Variants in KCNK1 observed in about 807,000 individuals in gnomAD.
KCNK1 encodes the protein potassium two pore domain channel subfamily K member 1, also known as potassium channel subfamily K member 1.
A neutral mutation model predicts 22.2 loss-of-function variants in KCNK1; 10 were observed. That is an observed-to-expected ratio of 0.45 (90% CI 0.28 to 0.76). The LOEUF (loss-of-function observed/expected upper bound fraction) is 0.76. KCNK1 is among the 30% of genes least tolerant of loss of function. The pLI is 0.14. For synonymous variants in KCNK1, 200 were observed against 186.4 expected (o/e 1.07, Z -0.60); for missense variants, 378 against 421.0 (o/e 0.90, Z 0.89).
intron 1 of KCNK1, chr1:233,660,719 G>C (rs1468004285): frequency 6.6e-6 from 1 of 152,184 alleles, no homozygotes; most frequent in Non-Finnish European, 1.5e-5. Context: ...GCGCTCTCCT[G>C]TCCTCTCATT....
intron 1 of KCNK1, among the ~76,000 whole-genome samples, chr1:233,615,167 C>T (rs1463212254): frequency 6.6e-6 from 1 of 152,218 alleles, no homozygotes; most frequent in Admixed American, 6.5e-5. Context: ...CAGGCCGATC[C>T]GGTTTCTTTT....
Position 233,614,164 on chromosome 1 carries a change from TGGA to T in KCNK1, c.-6_-4del, listed in dbSNP as rs755190644. The T allele has an allele frequency of 1.4e-5, 22 of 1,587,598 alleles. No individual in the cohort carries two copies. The highest frequency in any genetic ancestry group is 1.9e-5 in the Non-Finnish European group (22 of 1,172,440). On this transcript the variant is annotated 5_prime_UTR_variant, in exon 1 of 3. Coordinates refer to ENST00000366621, the MANE Select transcript of KCNK1 (RefSeq NM_002245.4). ...GCGGCGTTGGCCTTGGCGGCGGCGG[TGGA>T]GAAGATGCTGCAGTCCCTGGCCGGC...
intron 1 of KCNK1, among the ~76,000 whole-genome samples, chr1:233,658,578 G>A (rs757200138): frequency 4.6e-5 from 7 of 152,278 alleles, no homozygotes; most frequent in African/African-American, 9.6e-5. Flanking sequence ...ACAGTCAAGC[G>A]TCACCTAACG....
At chr1:233,667,236 G>A (rs1446738278) in intron 2 of KCNK1, among the ~76,000 whole-genome samples, 11 of 152,042 alleles carry the variant, frequency 7.2e-5, no homozygotes, top group African/African-American at 2.7e-4. Flanking sequence ...TCTCAATGAG[G>A]GGTCATTCAT....
At chr1:233,660,427 G>A (rs182706701) in intron 1 of KCNK1, 2 of 152,242 alleles carry the variant, frequency 1.3e-5, no homozygotes, top group African/African-American at 4.8e-5. Context: ...TACTTTTGAA[G>A]ATCACCACTA....
At chr1:233,670,946 C>T (rs1395533137) in intron 2 of KCNK1, among the ~76,000 whole-genome samples, 1 of 152,166 alleles carries the variant, frequency 6.6e-6, no homozygotes, top group Non-Finnish European at 1.5e-5. Flanking sequence ...AAATATCACA[C>T]TTGGGTAAGT....
chr1:233,640,916 G>A (rs1657989008), intron 1 of KCNK1, among the ~76,000 whole-genome samples: 1 of 152,158 alleles, frequency 6.6e-6, no homozygotes, highest in Non-Finnish European at 1.5e-5. Context: ...TGTTGGCCAG[G>A]CTGGTCTTGA....
intron 1 of KCNK1, among the ~76,000 whole-genome samples, chr1:233,663,072 G>C (rs186200020): frequency 6.6e-6 from 1 of 152,164 alleles, no homozygotes; most frequent in Non-Finnish European, 1.5e-5. Context: ...GAAAGTTTCC[G>C]TCAGATGCAT....
chr1:233,664,364 A>G (rs1286903895), intron 1 of KCNK1, among the ~76,000 whole-genome samples: 1 of 152,148 alleles, frequency 6.6e-6, no homozygotes, highest in Non-Finnish European at 1.5e-5. Context: ...TGTAGCATGA[A>G]CATTATTTGG....
chr1:233,633,275 A>G (rs1657837267), intron 1 of KCNK1, among the ~76,000 whole-genome samples: 1 of 151,516 alleles, frequency 6.6e-6, no homozygotes, highest in African/African-American at 2.4e-5. Context: ...TAAACAAACA[A>G]ACAAACAAAA....
intron 2 of KCNK1, among the ~76,000 whole-genome samples, chr1:233,667,403 T>C: frequency 6.6e-6 from 1 of 152,280 alleles, no homozygotes; most frequent in African/African-American, 2.4e-5. Context: ...AATTTCTTAC[T>C]AATAATGTAG....
chr1:233,671,632 C>T lies in KCNK1; in HGVS notation c.*102C>T. On this transcript the variant is annotated 3_prime_UTR_variant, in exon 3 of 3. Coordinates refer to ENST00000366621, the MANE Select transcript of KCNK1 (RefSeq NM_002245.4). ...CAGAATGCAAAAGCGAAAATTATGT[C>T]ACTTTAAGAAATAGCTACTGTTTGC... 1 of 1,351,692 alleles carries T rather than the reference C, an allele frequency of 7.4e-7. No individual in the cohort carries two copies. The highest frequency in any genetic ancestry group is 1.0e-6 in the Non-Finnish European group (1 of 980,022). The allele number at this position is 1,351,692 out of a possible 1,614,324, so 83.7% of individuals were successfully genotyped here. A position where few individuals can be genotyped will look rare whatever the true frequency, so the allele number is the denominator to read the frequency against.
chr1:233,638,009 A>C (rs944420275), intron 1 of KCNK1, among the ~76,000 whole-genome samples: 1 of 151,694 alleles, frequency 6.6e-6, no homozygotes, highest in Non-Finnish European at 1.5e-5. Flanking sequence ...GAAAAAAAAA[A>C]ACACAGGGTT....
chr1:233,636,765 A>T (rs61824276), intron 1 of KCNK1, among the ~76,000 whole-genome samples: 116,033 of 151,932 alleles, frequency 0.76, 44,590 homozygotes, highest in African/African-American at 0.84. Flanking sequence ...TCCCTCTAGG[A>T]CAAGGGATCA....
intron 1 of KCNK1, among the ~76,000 whole-genome samples, chr1:233,616,675 G>A (rs143413574): frequency 6.6e-6 from 1 of 152,292 alleles, no homozygotes; most frequent in East Asian, 1.9e-4. Flanking sequence ...TAAATGAAAA[G>A]TACTCTTCTG....
At chr1:233,616,650 T>G (rs1657492609) in intron 1 of KCNK1, among the ~76,000 whole-genome samples, 1 of 152,260 alleles carries the variant, frequency 6.6e-6, no homozygotes. Context: ...TCTTGTTATA[T>G]GAATACAACT....
intron 1 of KCNK1, among the ~76,000 whole-genome samples, chr1:233,632,201 C>G (rs1378074298): frequency 6.6e-6 from 1 of 152,182 alleles, no homozygotes; most frequent in Non-Finnish European, 1.5e-5. Flanking sequence ...TCATTTTATT[C>G]CCACAGGCTG....
intron 1 of KCNK1, among the ~76,000 whole-genome samples, chr1:233,647,097 T>A (rs770575996): frequency 3.3e-5 from 5 of 152,228 alleles, no homozygotes; most frequent in African/African-American, 9.6e-5. Context: ...AGATGTTTAA[T>A]CTTCTGGAAT....
intron 1 of KCNK1, among the ~76,000 whole-genome samples, chr1:233,635,286 T>G (rs1657878364): frequency 6.6e-6 from 1 of 152,228 alleles, no homozygotes; most frequent in African/African-American, 2.4e-5. Flanking sequence ...GATATTTCGC[T>G]AGAAAATAAA....
Sources: allele counts gnomAD v4.1 joint callset (sites outside exome capture counted in the v4.1 genomes callset), GRCh38; gene constraint gnomAD v4.1.1; transcripts MANE v1.5; gene names NCBI Gene and HGNC (gene_info 2026-07-23, HGNC 2026-07-21).